The following PTPRG variants were observed in gnomAD, a reference collection of about 807,000 sequenced individuals.
PTPRG encodes protein tyrosine phosphatase receptor type G.
PTPRG carries 102 observed loss-of-function variants against 165.3 expected under a neutral mutation model. The ratio of observed to expected loss-of-function variants is 0.62; its 90% CI spans 0.53 to 0.73. The LOEUF (loss-of-function observed/expected upper bound fraction) is 0.73, where lower values mean the gene tolerates loss of function less well. Ranked by LOEUF, PTPRG falls within the 30% of genes least tolerant of loss-of-function variation. The pLI is 0.00. For synonymous variants in PTPRG, 675 were observed against 669.5 expected, an observed-to-expected ratio of 1.01 and a Z score of -0.13; for missense variants, 1,866 against 1,861.4, an observed-to-expected ratio of 1.00 and a Z score of -0.05.
chr3:61,606,621 C>T (rs1701016238), intron 1 of PTPRG, among the ~76,000 whole-genome samples: 1 of 152,162 alleles, frequency 6.6e-6, no homozygotes, highest in Admixed American at 6.5e-5. Context: ...AATTAATTTT[C>T]TTACACTTCT....
At chr3:61,953,750 A>C (rs1465823348) in intron 2 of PTPRG, among the ~76,000 whole-genome samples, 3 of 152,140 alleles carry the variant, frequency 2.0e-5, no homozygotes, top group Non-Finnish European at 4.4e-5. Flanking sequence ...GTCATACTAA[A>C]CTACACTCTG....
intron 2 of PTPRG, among the ~76,000 whole-genome samples, chr3:61,765,168 A>G (rs1454405830): frequency 6.6e-6 from 1 of 152,222 alleles, no homozygotes; most frequent in Non-Finnish European, 1.5e-5. Context: ...CTAAGGTATT[A>G]GAGAATAAAG....
At position 62,203,761 on chromosome 3, in the gene PTPRG, ACGGGCGGAAGGAGGGATG is replaced by A; in HGVS notation, c.1968_1985del (p.Gly658_Gly663del). The A allele has an allele frequency of 4.3e-6, 7 of 1,609,638 alleles. No homozygotes were observed. Among genetic ancestry groups the A allele is most frequent in the Non-Finnish European group, 5.9e-6 (7 of 1,177,780 alleles). ...TCACACTGCCGTCCCCACAGACCAG[ACGGGCGGAAGGAGGGATG>A]CCGGCCCAGGCCTGGACCCCGACAT... is the stretch of plus-strand genomic sequence containing the variant. On this transcript the variant is annotated inframe_deletion, in exon 12 of 30. Coordinates refer to ENST00000474889, the MANE Select transcript of PTPRG (RefSeq NM_002841.4). This position sits in a 1 kb window ranked among gnomAD's most constrained non-coding sequence, Gnocchi z 6.4.
chr3:62,005,865 G>A (rs1219281188), intron 4 of PTPRG, among the ~76,000 whole-genome samples: 1 of 151,668 alleles, frequency 6.6e-6, no homozygotes, highest in African/African-American at 2.4e-5. Context: ...ACCATGCCTG[G>A]CTAATTTTTG....
intron 2 of PTPRG, among the ~76,000 whole-genome samples, chr3:61,779,528 T>G: frequency 6.6e-6 from 1 of 152,154 alleles, no homozygotes. Context: ...TTTTTTGCAG[T>G]CCTCCAGTCA....
chr3:61,918,539 A>G (rs1215940527), intron 2 of PTPRG, among the ~76,000 whole-genome samples: 1 of 152,158 alleles, frequency 6.6e-6, no homozygotes, highest in East Asian at 1.9e-4. Flanking sequence ...GCCCTGTACA[A>G]ATAGTACTGA....
intron 1 of PTPRG, among the ~76,000 whole-genome samples, chr3:61,596,755 A>C (rs1009507180): frequency 6.6e-6 from 1 of 151,532 alleles, no homozygotes; most frequent in African/African-American, 2.4e-5. Context: ...AATTGCATGA[A>C]TATGAGTTTA....
chr3:61,912,304 T>TA (rs1344073200), intron 2 of PTPRG, among the ~76,000 whole-genome samples: 4 of 152,166 alleles, frequency 2.6e-5, no homozygotes, highest in Non-Finnish European at 5.9e-5. Flanking sequence ...CTCTTCTATT[T>TA]ACTTGGGTGA....
rs114370991 is a variant in PTPRG at position 62,146,704 on chromosome 3, A to G, written c.683-10363A>G. Among the ~76,000 whole-genome samples the G allele has an allele frequency of 7.6e-3, 1,151 of 151,950 alleles. 13 individuals are homozygous for G. Among genetic ancestry groups the G allele is most frequent in the African/African-American group, 0.027 (1,113 of 41,434 alleles). ...GCAAAATTTCTCTGTAAGGTGACTG[A>G]TAGCAAATATTTTAAGCTCTGTCAG... is the stretch of plus-strand genomic sequence containing the variant. On this transcript the variant is annotated intron_variant, in intron 6 of 29. Coordinates refer to ENST00000474889, the MANE Select transcript of PTPRG (RefSeq NM_002841.4).
intron 2 of PTPRG, among the ~76,000 whole-genome samples, chr3:61,981,027 T>A (rs945644482): frequency 1.3e-5 from 2 of 152,200 alleles, no homozygotes; most frequent in African/African-American, 4.8e-5. Flanking sequence ...GGGTAATTTA[T>A]AAAGAAAAGA....
At chr3:62,056,156 A>G (rs1289849760) in intron 4 of PTPRG, among the ~76,000 whole-genome samples, 1 of 152,236 alleles carries the variant, frequency 6.6e-6, no homozygotes, top group South Asian at 2.1e-4. Context: ...AAATATCAGG[A>G]TATGAACATC....
intron 3 of PTPRG, among the ~76,000 whole-genome samples, chr3:61,995,681 C>T (rs1021477275): frequency 5.2e-4 from 47 of 90,582 alleles, no homozygotes; most frequent in Non-Finnish European, 7.5e-4. Flanking sequence ...CCTGCCCGCC[C>T]GCCTTCCTTC....
chr3:61,737,054 G>C (rs1559582265), intron 1 of PTPRG, among the ~76,000 whole-genome samples: 1 of 152,064 alleles, frequency 6.6e-6, no homozygotes, highest in African/African-American at 2.4e-5. Context: ...TACCAGGGTG[G>C]ATGCCACCCT....
Position 61,753,673 on chromosome 3 carries a change from A to G in PTPRG, c.190+4691A>G, listed in dbSNP as rs377222225. The G allele has an allele frequency of 8.1e-4, 340 of 418,204 alleles. 2 individuals carry two copies. In the East Asian group the frequency reaches 0.02, roughly 25 times the overall value. 25.9% of individuals were successfully genotyped at this position (418,204 alleles called of 1,614,324 possible). A position where few individuals can be genotyped will look rare whatever the true frequency, so the allele number is the denominator to read the frequency against. The stretch of plus-strand genomic sequence containing the variant: ...GATCTCAGCTCACTGCAACCCCCCA[A>G]CCCCCTGCTTCCTGAGTTCAAGCAA... On this transcript the variant is annotated intron_variant, in intron 2 of 29. Transcript: ENST00000474889.
At chr3:61,811,900 G>A (rs1164525057) in intron 2 of PTPRG, among the ~76,000 whole-genome samples, 2 of 152,146 alleles carry the variant, frequency 1.3e-5, no homozygotes, top group Admixed American at 6.5e-5. Context: ...TTACAAATCA[G>A]ATCTAACGGT....
At chr3:61,967,528 A>G (rs2040297543) in intron 2 of PTPRG, among the ~76,000 whole-genome samples, 1 of 152,186 alleles carries the variant, frequency 6.6e-6, no homozygotes, top group Admixed American at 6.5e-5. Context: ...TAAGACTTAT[A>G]TTAACTGCAT....
chr3:62,154,756 T>A (rs779398665), intron 6 of PTPRG, among the ~76,000 whole-genome samples: 13 of 152,158 alleles, frequency 8.5e-5, no homozygotes, highest in Non-Finnish European at 1.8e-4. Context: ...GGAAAACTCT[T>A]CTGATTCTCT....
At chr3:61,922,534 G>A (rs1372633975) in intron 2 of PTPRG, among the ~76,000 whole-genome samples, 1 of 152,186 alleles carries the variant, frequency 6.6e-6, no homozygotes, top group East Asian at 1.9e-4. Flanking sequence ...GGACCTAAGG[G>A]GAATCCTTCT....
chr3:61,645,565 G>C (rs907392464), intron 1 of PTPRG, among the ~76,000 whole-genome samples: 1 of 152,234 alleles, frequency 6.6e-6, no homozygotes, highest in African/African-American at 2.4e-5. Flanking sequence ...GACAAGAATA[G>C]CAGTGGTGGT....
Sources: allele counts gnomAD v4.1 joint callset (sites outside exome capture counted in the v4.1 genomes callset), GRCh38; gene constraint gnomAD v4.1.1; non-coding constraint Gnocchi (gnomAD v3.1); transcripts MANE v1.5; gene names NCBI Gene and HGNC (gene_info 2026-07-23, HGNC 2026-07-21).